The following SLC10A7 variants were observed in gnomAD, a reference collection of about 807,000 sequenced individuals.
SLC10A7 encodes sodium/bile acid cotransporter 7.
Under a neutral mutation model 43.2 loss-of-function variants are expected in SLC10A7, and 29 were observed. That is an observed-to-expected ratio of 0.67 (90% CI 0.50 to 0.92). The LOEUF is 0.92. Ranked by LOEUF, SLC10A7 falls within the 40% of genes least tolerant of loss-of-function variation. The pLI is 0.00. For missense variants in SLC10A7, 295 were observed against 403.2 expected, an observed-to-expected ratio of 0.73 and a Z score of 2.30; for synonymous variants, 152 against 144.8, an observed-to-expected ratio of 1.05 and a Z score of -0.35.
chr4:146,389,599 A>G (rs896781497), intron 5 of SLC10A7, among the ~76,000 whole-genome samples: 7 of 152,222 alleles, frequency 4.6e-5, no homozygotes, highest in African/African-American at 1.7e-4. Flanking sequence ...TTCAAAAGCT[A>G]TAAGTAGTGC....
chr4:146,406,277 A>C (rs886459781), intron 5 of SLC10A7, among the ~76,000 whole-genome samples: 2 of 152,316 alleles, frequency 1.3e-5, no homozygotes, highest in African/African-American at 4.8e-5. Flanking sequence ...AGTTTCTATA[A>C]ATTATTGGGA....
intron 4 of SLC10A7, among the ~76,000 whole-genome samples, chr4:146,459,635 C>T (rs1233608888): frequency 6.7e-6 from 1 of 149,550 alleles, no homozygotes; most frequent in African/African-American, 2.4e-5. Flanking sequence ...AAACGAAAAA[C>T]TCTGATGCTT....
At chr4:146,394,115 T>C (rs1350468610) in intron 5 of SLC10A7, among the ~76,000 whole-genome samples, 1 of 152,154 alleles carries the variant, frequency 6.6e-6, no homozygotes, top group African/African-American at 2.4e-5. Context: ...AATTGGAAGT[T>C]TTCTTGAACT....
chr4:146,317,957 T>C (rs912168051), intron 6 of SLC10A7, among the ~76,000 whole-genome samples: 5 of 152,030 alleles, frequency 3.3e-5, no homozygotes, highest in Non-Finnish European at 7.4e-5. Flanking sequence ...CATAATTGCA[T>C]GAGTCAATTC....
At chr4:146,508,912 C>T (rs576173635) in intron 3 of SLC10A7, among the ~76,000 whole-genome samples, 2 of 152,186 alleles carry the variant, frequency 1.3e-5, no homozygotes, top group African/African-American at 4.8e-5. Context: ...TTCCTGCCTA[C>T]TTTTATACCG....
intron 10 of SLC10A7, among the ~76,000 whole-genome samples, chr4:146,281,205 AC>A (rs1025062298): frequency 2.6e-5 from 4 of 152,020 alleles, no homozygotes; most frequent in Non-Finnish European, 4.4e-5. Context: ...AAGACAAAAA[AC>A]CCTGAATGGG....
intron 2 of SLC10A7, 41 bp downstream of exon 2, chr4:146,516,996 AT>A (rs1738066158): frequency 6.8e-7 from 1 of 1,465,522 alleles, no homozygotes; most frequent in Non-Finnish European, 9.3e-7. Flanking sequence ...TACAAATTAA[AT>A]TTTTCTCCCT....
chr4:146,490,573 T>G (rs1437046557), intron 4 of SLC10A7, among the ~76,000 whole-genome samples: 2 of 152,202 alleles, frequency 1.3e-5, no homozygotes, highest in Non-Finnish European at 2.9e-5. Flanking sequence ...AGTGTGAACT[T>G]AAGGCAACTA....
At chr4:146,499,814 A>G (rs1240987448) in intron 4 of SLC10A7, among the ~76,000 whole-genome samples, 1 of 152,260 alleles carries the variant, frequency 6.6e-6, no homozygotes, top group East Asian at 1.9e-4. Flanking sequence ...CCACATTATT[A>G]ACGTGGAACA....
intron 5 of SLC10A7, among the ~76,000 whole-genome samples, chr4:146,364,115 A>T (rs990412679): frequency 7.4e-6 from 1 of 134,644 alleles, no homozygotes; most frequent in East Asian, 2.3e-4. Context: ...CTAAACTAAG[A>T]AAAAAAGAGA....
intron 5 of SLC10A7, among the ~76,000 whole-genome samples, chr4:146,367,293 T>G (rs925389859): frequency 6.6e-6 from 1 of 151,902 alleles, no homozygotes; most frequent in Non-Finnish European, 1.5e-5. Flanking sequence ...TCCAGTGCAG[T>G]GCTGTCCAAT....
intron 5 of SLC10A7, among the ~76,000 whole-genome samples, chr4:146,438,455 A>T (rs1730361118): frequency 6.6e-6 from 1 of 152,040 alleles, no homozygotes; most frequent in South Asian, 2.1e-4. Flanking sequence ...TACAAGGATG[A>T]TTTAACTTTC....
chr4:146,517,161 A>G (rs1287914316), intron 1 of SLC10A7, 41 bp from the exon 2 acceptor site: 2 of 1,491,366 alleles, frequency 1.3e-6, no homozygotes, highest in East Asian at 4.6e-5. Context: ...AAAGAATTTC[A>G]GTAGATAACT....
At chr4:146,389,317 T>TA (rs59099797) in intron 5 of SLC10A7, among the ~76,000 whole-genome samples, 118,517 of 147,732 alleles carry the variant, frequency 0.8, 47,799 homozygotes, top group South Asian at 0.9. Context: ...TCTACAAAAA[T>TA]AAAAAAAAAA....
intron 10 of SLC10A7, among the ~76,000 whole-genome samples, chr4:146,259,809 G>A (rs1003692598): frequency 2.6e-5 from 4 of 152,166 alleles, no homozygotes; most frequent in Non-Finnish European, 5.9e-5. Flanking sequence ...TTGTTTTAAT[G>A]CAGCCACAGT....
chr4:146,515,586 A>C (rs1737873393), intron 2 of SLC10A7, among the ~76,000 whole-genome samples: 1 of 152,160 alleles, frequency 6.6e-6, no homozygotes, highest in African/African-American at 2.4e-5. Flanking sequence ...AGCTATAGAC[A>C]CTACACAATG....
At chr4:146,353,455 G>A (rs935887822) in intron 5 of SLC10A7, among the ~76,000 whole-genome samples, 5 of 139,054 alleles carry the variant, frequency 3.6e-5, no homozygotes, top group African/African-American at 1.4e-4. Flanking sequence ...TTCTACCAGA[G>A]GTACAAGGAG....
At chr4:146,303,655 T>C (rs116049708) in intron 7 of SLC10A7, among the ~76,000 whole-genome samples, 3,315 of 152,248 alleles carry the variant, frequency 0.022, 116 homozygotes, top group African/African-American at 0.075. Flanking sequence ...GCTGGGATTA[T>C]AGGCGTGAGC....
At chr4:146,264,330 C>T (rs1246980674) in intron 10 of SLC10A7, among the ~76,000 whole-genome samples, 3 of 152,040 alleles carry the variant, frequency 2.0e-5, no homozygotes, top group East Asian at 3.8e-4. Flanking sequence ...AGACATTTTT[C>T]TTCTTAGATT....
Sources: gnomAD v4.1 joint callset for allele counts (sites outside exome capture counted in the v4.1 genomes callset) on GRCh38, gnomAD v4.1.1 for gene constraint, MANE v1.5 for transcripts, NCBI Gene and HGNC (gene_info 2026-07-23, HGNC 2026-07-21) for gene names.